Variants in ELMO1 observed in about 807,000 individuals in gnomAD.
The protein encoded by ELMO1 is engulfment and cell motility 1, also known as engulfment and cell motility protein 1.
ELMO1 carries 26 observed loss-of-function variants against 98.9 expected under a neutral mutation model. The observed-to-expected ratio is 0.26, with a 90% CI of 0.19 to 0.36. The LOEUF is 0.36. Among genes scored for constraint, ELMO1 ranks in the 10% least tolerant of loss-of-function variants. ELMO1 has a pLI of 1.00. For synonymous variants in ELMO1, 346 were observed against 346.0 expected, an observed-to-expected ratio of 1.00 and a Z score of 0.00; for missense variants, 627 against 935.2, an observed-to-expected ratio of 0.67 and a Z score of 4.30.
chr7:36,899,407 C>T (rs1806307977), intron 16 of ELMO1, among the ~76,000 whole-genome samples: 1 of 152,004 alleles, frequency 6.6e-6, no homozygotes, highest in Admixed American at 6.6e-5. Context: ...GGGAGTTACT[C>T]AGGTGAAGAA....
intron 15 of ELMO1, among the ~76,000 whole-genome samples, chr7:37,070,788 G>T (rs1797227914): frequency 6.6e-6 from 1 of 152,064 alleles, no homozygotes; most frequent in African/African-American, 2.4e-5. Flanking sequence ...AACTAAGTAG[G>T]GTAATCCAGT....
chr7:37,159,250 A>G (rs1019845905), intron 13 of ELMO1, among the ~76,000 whole-genome samples: 2 of 152,218 alleles, frequency 1.3e-5, no homozygotes, highest in East Asian at 1.9e-4. Context: ...ATGTATACCT[A>G]TGTAGCAAAC....
intron 16 of ELMO1, among the ~76,000 whole-genome samples, chr7:36,973,467 T>A (rs1376030292): frequency 6.6e-6 from 1 of 152,216 alleles, no homozygotes; most frequent in Non-Finnish European, 1.5e-5. Flanking sequence ...CACATAGGCC[T>A]CAATTTGCTC....
rs139895658 is a variant in ELMO1 at position 37,222,838 on chromosome 7, G to A, written c.702-145C>T. The A allele has an allele frequency of 9.8e-5, 65 of 664,300 alleles. No individual in the cohort carries two copies. In the African/African-American group the frequency reaches 9.8e-4, roughly 10 times the overall value. 41.2% of individuals were successfully genotyped at this position (664,300 alleles called of 1,614,324 possible). On this transcript the variant is annotated intron_variant, in intron 9 of 21. Transcript: ENST00000310758. ...AGGCAGGGCCTAGAAAATGCATTTT[G>A]CACTGAGAATGCATTTCAAACATCA...
chr7:37,151,048 C>G (rs1788322772), intron 13 of ELMO1, among the ~76,000 whole-genome samples: 1 of 152,170 alleles, frequency 6.6e-6, no homozygotes, highest in African/African-American at 2.4e-5. Flanking sequence ...CCAAGTCAGC[C>G]CTCTGCAGTC....
intron 4 of ELMO1, among the ~76,000 whole-genome samples, chr7:37,302,076 G>A (rs1798379996): frequency 6.6e-6 from 1 of 152,194 alleles, no homozygotes; most frequent in Non-Finnish European, 1.5e-5. Flanking sequence ...AATGATGGGT[G>A]GTTTAATTAA....
intron 15 of ELMO1, chr7:37,013,693 C>T (rs749240396): frequency 1.8e-5 from 7 of 398,528 alleles, no homozygotes; most frequent in East Asian, 1.3e-4. Flanking sequence ...CATGCCAGGA[C>T]AAGACCCTCT....
chr7:36,881,253 A>G (rs1804429308), intron 18 of ELMO1, among the ~76,000 whole-genome samples: 1 of 152,154 alleles, frequency 6.6e-6, no homozygotes, highest in South Asian at 2.1e-4. Flanking sequence ...GAAGGCTTAG[A>G]CGTTGTGTAT....
At position 36,976,432 on chromosome 7, in the gene ELMO1, C is replaced by T. The variant is rs11982139; in HGVS notation, c.1437+36867G>A. ...AAGGTGCTAATAAAACTTTTCTTCTCGATTGAGCTTAACAGCATAATTATT... is the reference window on the plus strand; with the variant it reads ...AAGGTGCTAATAAAACTTTTCTTCTTGATTGAGCTTAACAGCATAATTATT... On this transcript the variant is annotated intron_variant, in intron 16 of 21. Coordinates refer to ENST00000310758, the MANE Select transcript of ELMO1 (RefSeq NM_014800.11). Among the ~76,000 whole-genome samples, 1,016 of 152,288 alleles carry T rather than the reference C, an allele frequency of 6.7e-3. 12 individuals are homozygous for T. Among genetic ancestry groups the T allele is most frequent in the African/African-American group, 0.023 (935 of 41,554 alleles).
rs113450191 is a variant in ELMO1, at chr7:37,126,978, G to A, written c.1191+6152C>T. The stretch of plus-strand genomic sequence containing the variant: ...AGAAACATCTCATTTGCATGCATTC[G>A]GATTTTATTGTTGGGCGTTAAATGT... On this transcript the variant is annotated intron_variant, in intron 14 of 21. Transcript: ENST00000310758. 6.7e-3 allele frequency among the ~76,000 whole-genome samples: 1,015 copies of A among 152,216 alleles called. 10 individuals are homozygous for A. Among genetic ancestry groups the A allele is most frequent in the African/African-American group, 0.023 (960 of 41,528 alleles).
In ELMO1 at chr7:36,869,085, T is replaced by C. The variant is rs1044430713; in HGVS notation, c.1905+1308A>G. Among the ~76,000 whole-genome samples, 10 of 152,242 alleles carry C rather than the reference T, an allele frequency of 6.6e-5. No homozygotes were observed. The South Asian group carries it at 1.7e-3, about 25-fold the overall frequency. Reference sequence around the variant, plus strand: ...GATGCTTCTCTAATCTGCTGAGCTATAGAATCTCTGTCTCCCCATAGCATG... The same window carrying C: ...GATGCTTCTCTAATCTGCTGAGCTACAGAATCTCTGTCTCCCCATAGCATG... On this transcript the variant is annotated intron_variant, in intron 20 of 21. Coordinates refer to ENST00000310758, the MANE Select transcript of ELMO1 (RefSeq NM_014800.11).
At chr7:37,345,453 T>G (rs557174630) in intron 1 of ELMO1, among the ~76,000 whole-genome samples, 2 of 151,892 alleles carry the variant, frequency 1.3e-5, no homozygotes, top group South Asian at 4.2e-4. Flanking sequence ...GGCTCACGCC[T>G]GTAATCCCAA....
chr7:37,372,989 G>C (rs1270318034), intron 1 of ELMO1, among the ~76,000 whole-genome samples: 5 of 152,210 alleles, frequency 3.3e-5, no homozygotes, highest in African/African-American at 9.7e-5. Context: ...GGAAGAGCCA[G>C]ACTTCCACAG....
intron 21 of ELMO1, among the ~76,000 whole-genome samples, chr7:36,860,598 C>T (rs746875515): frequency 2.6e-5 from 4 of 152,176 alleles, no homozygotes; most frequent in African/African-American, 4.8e-5. Flanking sequence ...AAATAACATC[C>T]AAAGTTCTAC....
intron 16 of ELMO1, among the ~76,000 whole-genome samples, chr7:36,976,867 G>A (rs1790595041): frequency 6.6e-6 from 1 of 152,184 alleles, no homozygotes; most frequent in Non-Finnish European, 1.5e-5. Flanking sequence ...TCAGGAGAAT[G>A]AGCACCCAGG....
chr7:37,040,287 G>C (rs1442368562), intron 15 of ELMO1, among the ~76,000 whole-genome samples: 1 of 151,994 alleles, frequency 6.6e-6, no homozygotes, highest in Non-Finnish European at 1.5e-5. Context: ...AAATAGTTTG[G>C]GATCATTTTC....
intron 8 of ELMO1, among the ~76,000 whole-genome samples, chr7:37,228,301 T>C (rs921493632): frequency 1.3e-5 from 2 of 152,226 alleles, no homozygotes; most frequent in African/African-American, 2.4e-5. Flanking sequence ...TTGAAAACTA[T>C]AGATCTTCAT....
chr7:37,173,371 C>T (rs771651480), intron 13 of ELMO1, among the ~76,000 whole-genome samples: 6 of 152,120 alleles, frequency 3.9e-5, no homozygotes, highest in African/African-American at 9.7e-5. Context: ...GTACAAGCCA[C>T]GTCACAGAGA....
At chr7:37,396,115 TAAA>T (rs148463354) in intron 1 of ELMO1, among the ~76,000 whole-genome samples, 3,342 of 152,296 alleles carry the variant, frequency 0.022, 60 homozygotes, top group Non-Finnish European at 0.036. Flanking sequence ...TTGATTCAGA[TAAA>T]CCTTTGCTCT....
Sources: gnomAD v4.1 joint callset for allele counts (sites outside exome capture counted in the v4.1 genomes callset) on GRCh38, gnomAD v4.1.1 for gene constraint, MANE v1.5 for transcripts, NCBI Gene and HGNC (gene_info 2026-07-23, HGNC 2026-07-21) for gene names.